TOE1: variants seen among roughly 807,000 people sequenced by gnomAD.
TOE1 encodes the protein target of EGR1 protein 1.
A neutral mutation model predicts 49.2 loss-of-function variants in TOE1; 50 were observed. The observed-to-expected ratio is 1.02, with a 90% CI of 0.81 to 1.29. The LOEUF (loss-of-function observed/expected upper bound fraction) is 1.29. TOE1 is among the 50% of genes most tolerant of loss of function. The probability of loss-of-function intolerance (pLI) is 0.00; values close to 1 mark genes in which losing one functional copy is unlikely to be tolerated. For missense variants in TOE1, 544 were observed against 654.4 expected (o/e 0.83, Z 1.84); for synonymous variants, 221 against 247.0 (o/e 0.89, Z 0.99).
At chr1:45,340,549 A>G (rs1646873020) in intron 1 of TOE1, 2 of 1,391,242 alleles carry the variant, frequency 1.4e-6, no homozygotes, top group Non-Finnish European at 1.9e-6. Context: ...AACGGTTAGT[A>G]GTAATAGTTG....
Position 45,342,481 on chromosome 1 carries a change from T to C in TOE1, c.590T>C (p.Val197Ala), listed in dbSNP as rs1647055165. ...CTACACAATGGCCTTATAGACTTGGTGTTCCTGTACCAGAACTTCTATGCA... is the reference window on the plus strand; with the variant it reads ...CTACACAATGGCCTTATAGACTTGGCGTTCCTGTACCAGAACTTCTATGCA... ...LVLHNGLIDL[V>A]FLYQNFYAHL... Residue 197 changes from valine to alanine, a missense_variant, in exon 6 of 8, where the codon GTG (valine) becomes GCG (alanine). Val to Ala is a moderately conservative substitution (Grantham distance 64). Coordinates refer to ENST00000372090, the MANE Select transcript of TOE1 (RefSeq NM_025077.4). 6.2e-7 allele frequency: 1 copy of C among 1,614,202 alleles called. No individual in the cohort carries two copies. The highest frequency in any genetic ancestry group is 8.5e-7 in the Non-Finnish European group (1 of 1,180,026).
At chr1:45,342,750 C>A in intron 6 of TOE1, 93 bp from the exon 7 acceptor site, 1 of 1,601,230 alleles carries the variant, frequency 6.2e-7, no homozygotes, top group Non-Finnish European at 8.5e-7. Context: ...GTTTTAGGTG[C>A]TGAGGATTCA....
At chr1:45,340,660 G>A (rs1646883657) in intron 1 of TOE1, 3 of 1,143,948 alleles carry the variant, frequency 2.6e-6, no homozygotes, top group South Asian at 3.4e-5. Context: ...GGGGCTTACT[G>A]GGAGCTGTTG....
Position 45,340,186 on chromosome 1 carries a change from C to A in TOE1, c.-67C>A, listed in dbSNP as rs755914972. 1.8e-5 allele frequency: 29 copies of A among 1,612,790 alleles called. No homozygotes were observed. The African/African-American group carries it at 3.9e-4, about 22-fold the overall frequency. ...CCGCCCCATCCCCGACTGCCTGAAC[C>A]GCGCCAGGAGACGGACCGCAAGTCC... On this transcript the variant is annotated 5_prime_UTR_variant, in exon 1 of 8. Coordinates refer to ENST00000372090, the MANE Select transcript of TOE1 (RefSeq NM_025077.4).
At position 45,343,603 on chromosome 1, in the gene TOE1, G is replaced by C; in HGVS notation, c.1434G>C (p.Leu478Phe). 6.2e-7 allele frequency: 1 copy of C among 1,614,036 alleles called. No individual in the cohort carries two copies. The highest frequency in any genetic ancestry group is 8.5e-7 in the Non-Finnish European group (1 of 1,180,010). ...CTGAATGCCACAATAAGGTATATTT[G>C]AGTGGCAAAGCTGTACCCCTCACAG... is the stretch of plus-strand genomic sequence containing the variant. ...WLPECHNKVY[L>F]SGKAVPLTVA... Residue 478 changes from leucine (L) to phenylalanine (F), a missense_variant, in exon 8 of 8, where the codon TTG becomes TTC. Leu to Phe is a conservative substitution (Grantham distance 22). Transcript: ENST00000372090. This position sits in a 1 kb window ranked among gnomAD's most constrained non-coding sequence, Gnocchi z 4.3.
rs377615673 is a variant in TOE1, at chr1:45,342,472, T to A, written c.581T>A (p.Ile194Lys). Residue 194 changes from isoleucine to lysine, a missense_variant, in exon 6 of 8, where the codon ATA becomes AAA. By Grantham distance (102) the Ile-to-Lys change is moderately radical (BLOSUM62 -3). Coordinates refer to ENST00000372090, the MANE Select transcript of TOE1 (RefSeq NM_025077.4). Reference sequence around the variant, plus strand: ...CCCCTGGTGCTACACAATGGCCTTATAGACTTGGTGTTCCTGTACCAGAAC... The same window carrying A: ...CCCCTGGTGCTACACAATGGCCTTAAAGACTTGGTGTTCCTGTACCAGAAC... The part of the protein sequence containing the change: ...RRPLVLHNGL[I>K]DLVFLYQNFY... 1.9e-6 allele frequency: 3 copies of A among 1,614,160 alleles called. No individual in the cohort carries two copies. Among genetic ancestry groups the A allele is most frequent in the South Asian group, 2.2e-5 (2 of 91,068 alleles).
chr1:45,341,677 G>T (rs576360027), intron 4 of TOE1, 108 bp downstream of exon 4: 35 of 1,074,082 alleles, frequency 3.3e-5, no homozygotes, highest in South Asian at 1.6e-4. Context: ...CTTTTTTTTT[G>T]ACTTGATAGT....
rs1303987954 is a variant in TOE1, at chr1:45,342,860, AGCAGCGG to A, written c.776_782del (p.Arg259LeufsTer17). The A allele has an allele frequency of 6.2e-7, 1 of 1,614,034 alleles. No individual in the cohort carries two copies. The highest frequency in any genetic ancestry group is 8.5e-7 in the Non-Finnish European group (1 of 1,180,036). On this transcript the variant is annotated frameshift_variant, in exon 7 of 8. Transcript: ENST00000372090. LOFTEE classifies it high-confidence loss of function. ...TGTTGCAGTGAACGGGAAAATGGGA[AGCAGCGG>A]GCAGCTGGCAGCCCACACCTTACCC... is the stretch of plus-strand genomic sequence containing the variant.
chr1:45,343,646 T>C lies in TOE1; in HGVS notation c.1477T>C (p.Ser493Pro). 2 of 1,613,572 alleles carry C rather than the reference T, an allele frequency of 1.2e-6. No homozygotes were observed. The highest frequency in any genetic ancestry group is 2.2e-5 in the East Asian group (1 of 44,852). The change falls in exon 8 of 8, where the codon TCT becomes CCT. Residue 493 changes from serine to proline, a missense_variant. Transcript: ENST00000372090. The surrounding 1 kb of genome is among the most constrained non-coding windows in gnomAD (Gnocchi z 4.3). ...CCTCACAGTGGCCAAGAGCCAGTTC[T>C]CTCGTTCCTCCAAAGCCCACAATCA... ...VPLTVAKSQFSRSSKAHNQKM... is the reference protein window; with the variant it reads ...VPLTVAKSQFPRSSKAHNQKM...
intron 1 of TOE1, 25 bp downstream of exon 1, chr1:45,340,329 T>A: frequency 6.2e-7 from 1 of 1,605,972 alleles, no homozygotes; most frequent in Non-Finnish European, 8.5e-7. Flanking sequence ...AGAGGTAGCC[T>A]TCAAAGCCTC....
chr1:45,342,763 A>G, intron 6 of TOE1, 80 bp from the exon 7 acceptor site: 1 of 1,604,544 alleles, frequency 6.2e-7, no homozygotes. Context: ...AGGATTCAGC[A>G]GTGAACAAAA....
chr1:45,343,382 A>G lies in TOE1; in HGVS notation c.1213A>G (p.Met405Val). 1.2e-6 allele frequency: 2 copies of G among 1,613,954 alleles called. No homozygotes were observed. The highest frequency in any genetic ancestry group is 1.7e-6 in the Non-Finnish European group (2 of 1,180,002). ...SKQGNKNDLE[M>V]GIKAARPEIA... ...GCAAGGCAACAAAAATGACTTAGAG[A>G]TGGGGATTAAGGCAGCAAGGCCTGA... The change falls in exon 8 of 8, where the codon ATG (methionine) becomes GTG (valine). Residue 405 changes from methionine to valine, a missense_variant. Transcript: ENST00000372090. This position sits in a 1 kb window ranked among gnomAD's most constrained non-coding sequence, Gnocchi z 4.3.
In TOE1 at chr1:45,341,118, A is replaced by G. The variant is rs778480203; in HGVS notation, c.98A>G (p.Gln33Arg). Residue 33 changes from glutamine (Q) to arginine (R), a missense_variant, in exon 2 of 8, where the codon CAG becomes CGG. Coordinates refer to ENST00000372090, the MANE Select transcript of TOE1 (RefSeq NM_025077.4). ...ACATCTGGGGAGGAGCTAGTAGTCC[A>G]GGTTCCCGTAGTGGATGTGCAAAGC... Reference protein sequence around the residue: ...STTSGEELVVQVPVVDVQSNN... With the variant: ...STTSGEELVVRVPVVDVQSNN... The G allele has an allele frequency of 1.2e-6, 2 of 1,614,222 alleles. No homozygotes were observed. The highest frequency in any genetic ancestry group is 1.1e-5 in the South Asian group (1 of 91,084).
At position 45,341,487 on chromosome 1, in the gene TOE1, G is replaced by T. The variant is rs751886760; in HGVS notation, c.251G>T (p.Arg84Leu). Residue 84 changes from arginine (R) to leucine (L), a missense_variant, in exon 4 of 8, where the codon CGT (arginine) becomes CTT (leucine). Transcript: ENST00000372090. ...KSLLNQCIEE[R>L]YKAVCHAART... Reference sequence around the variant, plus strand: ...CCAACCCCAAGGTGCATTGAGGAACGTTACAAGGCCGTGTGTCATGCTGCC... The same window carrying T: ...CCAACCCCAAGGTGCATTGAGGAACTTTACAAGGCCGTGTGTCATGCTGCC... 1 of 1,614,042 alleles carries T rather than the reference G, an allele frequency of 6.2e-7. No homozygotes were observed. Among genetic ancestry groups the T allele is most frequent in the Non-Finnish European group, 8.5e-7 (1 of 1,180,024 alleles).
At position 45,341,355 on chromosome 1, in the gene TOE1, C is replaced by T. The variant is rs767157590; in HGVS notation, c.236+12C>T. ...AGTTTGCTGAACCAGTAAGTATAAG[C>T]CCTTTTCTCTTTAGTGCCAGCCCTC... On this transcript the variant is annotated intron_variant, in intron 3 of 7. Coordinates refer to ENST00000372090, the MANE Select transcript of TOE1 (RefSeq NM_025077.4). 6.8e-6 allele frequency: 11 copies of T among 1,614,118 alleles called. No homozygotes were observed. The highest frequency in any genetic ancestry group is 1.3e-5 in the African/African-American group (1 of 75,010).
At chr1:45,342,323 C>T (rs1570619976) in intron 5 of TOE1, 61 bp from the exon 6 acceptor site, 3 of 1,586,454 alleles carry the variant, frequency 1.9e-6, no homozygotes, top group South Asian at 1.1e-5. Flanking sequence ...GATAAGTGCC[C>T]AGCAGAAGAG....
intron 1 of TOE1, 128 bp downstream of exon 1, chr1:45,340,432 G>A: frequency 1.3e-6 from 2 of 1,521,492 alleles, no homozygotes; most frequent in Non-Finnish European, 1.8e-6. Context: ...CTAGCCACGA[G>A]GAGACTACAA....
chr1:45,342,006 T>G lies in TOE1; in HGVS notation c.391T>G (p.Tyr131Asp). ...FNLTLLCMEEYVIEPKSVQFL... is the reference protein window; with the variant it reads ...FNLTLLCMEEDVIEPKSVQFL... ...TCTCACTCTGCTGTGCATGGAGGAGTATGTCATAGAACCAAAGTCTGTGCA... is the reference window on the plus strand; with the variant it reads ...TCTCACTCTGCTGTGCATGGAGGAGGATGTCATAGAACCAAAGTCTGTGCA... Residue 131 changes from tyrosine (Y) to aspartate (D), a missense_variant, in exon 5 of 8, where the codon TAT becomes GAT. Coordinates refer to ENST00000372090, the MANE Select transcript of TOE1 (RefSeq NM_025077.4). 6.2e-7 allele frequency: 1 copy of G among 1,613,848 alleles called. No homozygotes were observed. Among genetic ancestry groups the G allele is most frequent in the Non-Finnish European group, 8.5e-7 (1 of 1,179,922 alleles).
chr1:45,340,518 G>A, intron 1 of TOE1: 1 of 1,429,040 alleles, frequency 7.0e-7, no homozygotes, highest in Non-Finnish European at 9.1e-7. Context: ...GGCATGGCGG[G>A]AGATGTAGTC....
Sources: gnomAD v4.1 joint callset for allele counts on GRCh38, gnomAD v4.1.1 for gene constraint, Gnocchi (gnomAD v3.1) non-coding constraint, MANE v1.5 for transcripts, NCBI Gene and HGNC (gene_info 2026-07-23, HGNC 2026-07-21) for gene names.